Variants in CCDC125 observed in about 807,000 individuals in gnomAD.
CCDC125 encodes coiled-coil domain-containing protein 125.
A neutral mutation model predicts 57.4 loss-of-function variants in CCDC125; 43 were observed. That is an observed-to-expected ratio of 0.75 (90% CI 0.59 to 0.97). The LOEUF (loss-of-function observed/expected upper bound fraction) is 0.97. CCDC125 is among the 50% of genes least tolerant of loss of function. CCDC125 has a pLI of 0.00. For synonymous variants in CCDC125, 187 were observed against 195.2 expected, an observed-to-expected ratio of 0.96 and a Z score of 0.35; for missense variants, 563 against 595.7, an observed-to-expected ratio of 0.95 and a Z score of 0.57.
chr5:69,329,574 G>A (rs1242083130), intron 1 of CCDC125, among the ~76,000 whole-genome samples: 1 of 149,070 alleles, frequency 6.7e-6, no homozygotes, highest in Non-Finnish European at 1.5e-5. Flanking sequence ...CGTGATCACG[G>A]CTCACTGCAA....
At position 69,292,247 on chromosome 5, in the gene CCDC125, A is replaced by G. The variant is rs958277264; in HGVS notation, c.1040T>C (p.Met347Thr). 2.5e-6 allele frequency: 4 copies of G among 1,613,724 alleles called. No individual in the cohort carries two copies. Among genetic ancestry groups the G allele is most frequent in the Non-Finnish European group, 3.4e-6 (4 of 1,179,900 alleles). The change falls in exon 10 of 12, where the codon ATG becomes ACG. Residue 347 changes from methionine (M) to threonine (T), a missense_variant. Coordinates refer to ENST00000396496, the MANE Select transcript of CCDC125 (RefSeq NM_176816.5). The stretch of plus-strand genomic sequence containing the variant: ...TGTTGCTTTTTTATGCATTTTATCC[A>G]TTTGTGTCAATTGTAGTGCCTGGTC... ...KNDQALQLTQ[M>T]DKMHKKATKW...
downstream of CCDC125, among the ~76,000 whole-genome samples, chr5:69,276,024 A>G (rs1255198658): frequency 6.6e-6 from 1 of 151,962 alleles, no homozygotes; most frequent in Non-Finnish European, 1.5e-5. Context: ...ATTAGAAGGG[A>G]GTCTTTTTTT....
At position 69,283,040 on chromosome 5, in the gene CCDC125, T is replaced by C. The variant is rs1579922417; in HGVS notation, c.1231-6A>G. The C allele has an allele frequency of 6.4e-7, 1 of 1,570,194 alleles. No individual in the cohort carries two copies. The highest frequency in any genetic ancestry group is 8.6e-7 in the Non-Finnish European group (1 of 1,163,042). ...GCTTCTTCTTTATCATTAAGCTGCA[T>C]GCACAGAAATTAAACATGTACAAGT... On this transcript the variant is annotated splice_region_variant and splice_polypyrimidine_tract_variant and intron_variant, in intron 11 of 11. Transcript: ENST00000396496.
chr5:69,306,717 T>A, intron 6 of CCDC125, 100 bp downstream of exon 6: 4 of 1,250,332 alleles, frequency 3.2e-6, no homozygotes, highest in Non-Finnish European at 4.1e-6. Context: ...AAAAATTTTG[T>A]AATATTTTGC....
rs190527934 is a variant in CCDC125 at position 69,315,615 on chromosome 5, G to A, written c.305-1569C>T. 3.0e-3 allele frequency among the ~76,000 whole-genome samples: 447 copies of A among 151,354 alleles called. 2 individuals are homozygous for A. The highest frequency in any genetic ancestry group is 9.5e-3 in the African/African-American group (394 of 41,284). ...CTACTAACAAATACAAAAATTAGCC[G>A]GGCATGGTGGCGGGCGCCTGTAATC... is the stretch of plus-strand genomic sequence containing the variant. On this transcript the variant is annotated intron_variant, in intron 2 of 11. Transcript: ENST00000396496.
At chr5:69,291,049 A>C (rs190360675) in intron 10 of CCDC125, among the ~76,000 whole-genome samples, 4 of 152,348 alleles carry the variant, frequency 2.6e-5, no homozygotes, top group African/African-American at 9.6e-5. Flanking sequence ...AGAATTATAG[A>C]TCTGACAGAT....
chr5:69,281,188 G>A lies in CCDC125; in HGVS notation c.*1541C>T, dbSNP rs1050553797. On this transcript the variant is annotated 3_prime_UTR_variant, in exon 12 of 12. Transcript: ENST00000396496. ...GTAAAATCCTAGCTGGATCAAATAT[G>A]AGCTTTGTAAATTTTTAAAAACTTT... The A allele has an allele frequency of 2.0e-5, 3 of 152,150 alleles. No individual in the cohort carries two copies. The highest frequency in any genetic ancestry group is 2.1e-4 in the South Asian group (1 of 4,836). 9.4% of individuals were successfully genotyped at this position (152,150 alleles called of 1,614,324 possible).
chr5:69,302,656 C>T (rs565508610), intron 7 of CCDC125, among the ~76,000 whole-genome samples: 2 of 150,208 alleles, frequency 1.3e-5, no homozygotes, highest in African/African-American at 4.9e-5. Flanking sequence ...ACCCAGGAGG[C>T]GGAGGTTGCA....
At chr5:69,283,815 A>T (rs1179795530) in intron 11 of CCDC125, among the ~76,000 whole-genome samples, 1 of 141,406 alleles carries the variant, frequency 7.1e-6, no homozygotes, top group Non-Finnish European at 1.5e-5. Context: ...TTTGAGACAG[A>T]GTCTCGCTCT....
chr5:69,311,002 A>G (rs976837366), intron 4 of CCDC125, 116 bp downstream of exon 4: 5 of 558,114 alleles, frequency 9.0e-6, no homozygotes, highest in Non-Finnish European at 1.6e-5. Context: ...AAATATACAT[A>G]CCTAAAAAAA....
At chr5:69,307,881 G>C (rs1757583238) in intron 5 of CCDC125, 70 bp downstream of exon 5, 2 of 1,162,648 alleles carry the variant, frequency 1.7e-6, no homozygotes, top group South Asian at 2.5e-5. Context: ...CCATTAGTAT[G>C]GTGAGTTTAG....
chr5:69,291,015 A>G (rs1416976052), intron 10 of CCDC125, among the ~76,000 whole-genome samples: 8 of 152,206 alleles, frequency 5.3e-5, no homozygotes, highest in Non-Finnish European at 1.2e-4. Context: ...GTCTTTCTAA[A>G]TTCACCTGAA....
At chr5:69,303,307 C>T (rs1756793460) in intron 7 of CCDC125, among the ~76,000 whole-genome samples, 1 of 151,878 alleles carries the variant, frequency 6.6e-6, no homozygotes, top group African/African-American at 2.4e-5. Context: ...GCCTTGGCCT[C>T]CCAAAGTTCT....
intron 3 of CCDC125, chr5:69,313,680 A>G: frequency 1.3e-6 from 1 of 756,974 alleles, no homozygotes; most frequent in African/African-American, 1.7e-5. Context: ...GGGGTTGTCG[A>G]TGGTCTGGTC....
intron 1 of CCDC125, among the ~76,000 whole-genome samples, chr5:69,322,311 T>C (rs993280660): frequency 2.0e-5 from 3 of 152,018 alleles, no homozygotes; most frequent in Admixed American, 1.3e-4. Flanking sequence ...CTACATTCAA[T>C]AAATACTTGT....
At chr5:69,308,993 TGA>T (rs1369988506) in intron 4 of CCDC125, 1 of 152,876 alleles carries the variant, frequency 6.5e-6, no homozygotes, top group Non-Finnish European at 1.5e-5. Flanking sequence ...ACTTTGAACT[TGA>T]GAGAGATGAT....
chr5:69,283,326 TCTC>T (rs1752730971), intron 11 of CCDC125, among the ~76,000 whole-genome samples: 1 of 151,360 alleles, frequency 6.6e-6, no homozygotes, highest in South Asian at 2.1e-4. Flanking sequence ...TTCACACTAT[TCTC>T]CTGCCTCAGC....
intron 7 of CCDC125, among the ~76,000 whole-genome samples, chr5:69,302,792 T>C (rs989242432): frequency 3.2e-4 from 49 of 152,080 alleles, no homozygotes; most frequent in Non-Finnish European, 4.9e-4. Context: ...AGGTAGACCA[T>C]TATATAAGAG....
rs1029938067 is a variant in CCDC125 at position 69,314,055 on chromosome 5, G to A, written c.305-9C>T. 6.3e-6 allele frequency: 10 copies of A among 1,593,876 alleles called. No individual in the cohort carries two copies. The highest frequency in any genetic ancestry group is 1.7e-5 in the Admixed American group (1 of 59,768). ...TTCTGAATTCGAATCTACTTGGGAGGGAGGAGAAAAGAATCTATTAGGGGA... is the reference window on the plus strand; with the variant it reads ...TTCTGAATTCGAATCTACTTGGGAGAGAGGAGAAAAGAATCTATTAGGGGA... On this transcript the variant is annotated splice_polypyrimidine_tract_variant and intron_variant, in intron 2 of 11. Coordinates refer to ENST00000396496, the MANE Select transcript of CCDC125 (RefSeq NM_176816.5).
Sources: allele counts gnomAD v4.1 joint callset (sites outside exome capture counted in the v4.1 genomes callset), GRCh38; gene constraint gnomAD v4.1.1; transcripts MANE v1.5; gene names NCBI Gene and HGNC (gene_info 2026-07-23, HGNC 2026-07-21).